The following B4GALNT4 variants were observed in gnomAD, a reference collection of about 807,000 sequenced individuals.
B4GALNT4 encodes beta-1,4-N-acetyl-galactosaminyltransferase 4.
Under a neutral mutation model 110.0 loss-of-function variants are expected in B4GALNT4, and 77 were observed. That is an observed-to-expected ratio of 0.70 (90% CI 0.58 to 0.85). The LOEUF (loss-of-function observed/expected upper bound fraction) is 0.85. Among genes scored for constraint, B4GALNT4 ranks in the 40% least tolerant of loss-of-function variants. The probability of loss-of-function intolerance (pLI) is 0.00; values close to 1 mark genes in which losing one functional copy is unlikely to be tolerated. For synonymous variants in B4GALNT4, 785 were observed against 655.5 expected (o/e 1.20, Z -3.02); for missense variants, 1,575 against 1,506.0 (o/e 1.05, Z -0.76).
chr11:375,557 G>T (rs765617034), intron 9 of B4GALNT4, 30 bp downstream of exon 9: 36 of 1,606,966 alleles, frequency 2.2e-5, no homozygotes, highest in Admixed American at 1.8e-4. Flanking sequence ...GGGATGTGGG[G>T]CTCCTCGGGA....
In B4GALNT4 at chr11:377,166, C is replaced by T. The variant is rs1284793394; in HGVS notation, c.2043C>T (p.Asp681=). Residue 681 remains aspartate (D), a synonymous_variant, in exon 14 of 20, where the codon GAC becomes GAT. Coordinates refer to ENST00000329962, the MANE Select transcript of B4GALNT4 (RefSeq NM_178537.5). ...ALGRWREDAI[D]WQRTFSVGAV... ...GACGCTGGCGTGAGGACGCCATCGA[C>T]TGGCAGCGCACGTTCAGCGTGGGCG... The T allele has an allele frequency of 6.4e-7, 1 of 1,563,374 alleles. No homozygotes were observed.
At position 375,445 on chromosome 11, in the gene B4GALNT4, C is replaced by T. The variant is rs903631255; in HGVS notation, c.784-16C>T. 4.3e-6 allele frequency: 7 copies of T among 1,611,272 alleles called. No homozygotes were observed. The highest frequency in any genetic ancestry group is 5.9e-6 in the Non-Finnish European group (7 of 1,179,734). On this transcript the variant is annotated splice_polypyrimidine_tract_variant and intron_variant, in intron 8 of 19. Transcript: ENST00000329962. ...CCACCGCCCTGTCCCTGACCCCCACCCTCTCTGCCCCGCAGTGGCGAGCTT... is the reference window on the plus strand; with the variant it reads ...CCACCGCCCTGTCCCTGACCCCCACTCTCTCTGCCCCGCAGTGGCGAGCTT...
chr11:373,446 C>G lies in B4GALNT4; in HGVS notation c.637-3C>G. 1 of 1,597,478 alleles carries G rather than the reference C, an allele frequency of 6.3e-7. No individual in the cohort carries two copies. The highest frequency in any genetic ancestry group is 8.5e-7 in the Non-Finnish European group (1 of 1,171,324). On this transcript the variant is annotated splice_region_variant and splice_polypyrimidine_tract_variant and intron_variant, in intron 6 of 19. Coordinates refer to ENST00000329962, the MANE Select transcript of B4GALNT4 (RefSeq NM_178537.5). ...CCACCACCCCTGCTCTATCACCCCC[C>G]AGACTGGCTCCGAGTGGACAGCGCC...
In B4GALNT4 at chr11:375,622, A is replaced by T. The variant is rs760617855; in HGVS notation, c.851-17A>T. ...AGGAGGGGGTCTGAGCACTCCCTGG[A>T]ACTCTTCTGCCCCCAGATGAGTCAG... is the stretch of plus-strand genomic sequence containing the variant. On this transcript the variant is annotated splice_polypyrimidine_tract_variant and intron_variant, in intron 9 of 19. Coordinates refer to ENST00000329962, the MANE Select transcript of B4GALNT4 (RefSeq NM_178537.5). 1 of 1,593,912 alleles carries T rather than the reference A, an allele frequency of 6.3e-7. No homozygotes were observed. Among genetic ancestry groups the T allele is most frequent in the Non-Finnish European group, 8.5e-7 (1 of 1,174,934 alleles).
chr11:375,739 G>T lies in B4GALNT4; in HGVS notation c.951G>T (p.Met317Ile). ...CGCAGGAGGAGACCAGCGCAGACAT[G>T]CTGCGGCCAGATCCCAGGGATACCT... ...RPPQEETSADMLRPDPRDTFF... is the reference protein window; with the variant it reads ...RPPQEETSADILRPDPRDTFF... Residue 317 changes from methionine to isoleucine, a missense_variant, in exon 10 of 20, where the codon ATG (methionine) becomes ATT (isoleucine). Transcript: ENST00000329962. 6.3e-7 allele frequency: 1 copy of T among 1,596,278 alleles called. No individual in the cohort carries two copies.
chr11:372,685 G>T lies in B4GALNT4; in HGVS notation c.279G>T (p.Met93Ile), dbSNP rs145123446. The stretch of plus-strand genomic sequence containing the variant: ...AGCCCGAAGGTCGGGACCTAGACAT[G>T]CTGTTTCCTGGGGGGGCTGGGAGGC... Reference protein sequence around the residue: ...EQAPEGRDLDMLFPGGAGRLP... With the variant: ...EQAPEGRDLDILFPGGAGRLP... Residue 93 changes from methionine to isoleucine, a missense_variant, in exon 3 of 20, where the codon ATG becomes ATT. By Grantham distance (10) the Met-to-Ile change is conservative. Transcript: ENST00000329962. The T allele has an allele frequency of 1.2e-4, 201 of 1,611,948 alleles. No homozygotes were observed. The highest frequency in any genetic ancestry group is 1.6e-4 in the Non-Finnish European group (194 of 1,179,820).
Position 380,220 on chromosome 11 carries a change from G to T in B4GALNT4, c.2715+18G>T. 1 of 1,605,352 alleles carries T rather than the reference G, an allele frequency of 6.2e-7. No homozygotes were observed. Among genetic ancestry groups the T allele is most frequent in the African/African-American group, 1.3e-5 (1 of 74,880 alleles). ...CGGTAGAGGTCCGAGGGCCCCATGG[G>T]GGTCGGGGAGCAAAACGGGGCGTGC... On this transcript the variant is annotated intron_variant, in intron 17 of 19. Transcript: ENST00000329962.
chr11:380,587 TC>T (rs1203374922), intron 18 of B4GALNT4, 142 bp downstream of exon 18: 2 of 1,324,822 alleles, frequency 1.5e-6, no homozygotes, highest in Admixed American at 2.0e-5. Flanking sequence ...AGAGCCCCAG[TC>T]CCCCCGCACC....
chr11:381,927 G>GC lies in B4GALNT4; in HGVS notation c.*138dup. The GC allele has an allele frequency of 2.7e-6, 3 of 1,115,148 alleles. No individual in the cohort carries two copies. Among genetic ancestry groups the GC allele is most frequent in the Non-Finnish European group, 3.6e-6 (3 of 843,356 alleles). 69.1% of individuals were successfully genotyped at this position (1,115,148 alleles called of 1,614,324 possible). A position where few individuals can be genotyped will look rare whatever the true frequency, so the allele number is the denominator to read the frequency against. On this transcript the variant is annotated 3_prime_UTR_variant, in exon 20 of 20. Coordinates refer to ENST00000329962, the MANE Select transcript of B4GALNT4 (RefSeq NM_178537.5). ...CACCGCCTGTGCCTGCCCCTCTCTG[G>GC]CCCACTGGGCGTCGTGCCCCTCCCC...
intron 14 of B4GALNT4, among the ~76,000 whole-genome samples, chr11:378,451 C>T (rs924543968): frequency 2.6e-5 from 4 of 152,298 alleles, no homozygotes; most frequent in African/African-American, 7.2e-5. Context: ...CCACCAATGC[C>T]CACCTGGGTA....
chr11:379,773 G>T, intron 15 of B4GALNT4, 72 bp downstream of exon 15: 1 of 1,514,454 alleles, frequency 6.6e-7, no homozygotes, highest in Non-Finnish European at 8.8e-7. Flanking sequence ...CTAGGAAAGG[G>T]TGTGGGTGTC....
rs1012145460 is a variant in B4GALNT4, at chr11:381,855, G to A, written c.*63G>A. On this transcript the variant is annotated 3_prime_UTR_variant, in exon 20 of 20. Coordinates refer to ENST00000329962, the MANE Select transcript of B4GALNT4 (RefSeq NM_178537.5). Reference sequence around the variant, plus strand: ...AGGCAGCTGCTGGGGGCTGGGCTTTGAGCTCGGTCCCGAGAGACCCGGCAG... The same window carrying A: ...AGGCAGCTGCTGGGGGCTGGGCTTTAAGCTCGGTCCCGAGAGACCCGGCAG... 39 of 1,482,256 alleles carry A rather than the reference G, an allele frequency of 2.6e-5. No individual in the cohort carries two copies. Among genetic ancestry groups the A allele is most frequent in the Admixed American group, 2.7e-5 (1 of 37,486 alleles). 91.8% of individuals were successfully genotyped at this position (1,482,256 alleles called of 1,614,324 possible).
At position 372,521 on chromosome 11, in the gene B4GALNT4, G is replaced by A. The variant is rs922329527; in HGVS notation, c.256-141G>A. On this transcript the variant is annotated intron_variant, in intron 2 of 19. Coordinates refer to ENST00000329962, the MANE Select transcript of B4GALNT4 (RefSeq NM_178537.5). The stretch of plus-strand genomic sequence containing the variant: ...GTATGTGCCAGGTGCCACAGGTCAG[G>A]GTTTGCATGGCTGGGGCTCACGGGC... 7 of 792,210 alleles carry A rather than the reference G, an allele frequency of 8.8e-6. No individual in the cohort carries two copies. The African/African-American group carries it at 1.2e-4, about 14-fold the overall frequency. 49.1% of individuals were successfully genotyped at this position (792,210 alleles called of 1,614,324 possible).
chr11:376,393 G>A lies in B4GALNT4; in HGVS notation c.1298-28G>A, dbSNP rs377474585. ...CCCCTGGCCCGCACCCACCTGCGCA[G>A]GGAGCTTCTAACCCGCGTTTCCCGC... is the stretch of plus-strand genomic sequence containing the variant. On this transcript the variant is annotated intron_variant, in intron 13 of 19. Coordinates refer to ENST00000329962, the MANE Select transcript of B4GALNT4 (RefSeq NM_178537.5). The A allele has an allele frequency of 6.0e-5, 96 of 1,603,140 alleles. No individual in the cohort carries two copies. The African/African-American group carries it at 1.1e-3, about 19-fold the overall frequency.
intron 17 of B4GALNT4, 22 bp downstream of exon 17, chr11:380,224 CG>C: frequency 6.2e-7 from 1 of 1,604,968 alleles, no homozygotes; most frequent in Non-Finnish European, 8.5e-7. Flanking sequence ...CCATGGGGGT[CG>C]GGGAGCAAAA....
Position 381,655 on chromosome 11 carries a change from GC to G in B4GALNT4, c.2997-9del. 3 of 1,576,160 alleles carry G rather than the reference GC, an allele frequency of 1.9e-6. No homozygotes were observed. The highest frequency in any genetic ancestry group is 1.9e-5 in the Admixed American group (1 of 53,750). ...ACCCCGGGGTCCTGACCACCTCTCT[GC>G]CCCCGGCCCCAGGGTCCTGCAGGCA... is the stretch of plus-strand genomic sequence containing the variant. On this transcript the variant is annotated splice_polypyrimidine_tract_variant and intron_variant, in intron 19 of 19. Transcript: ENST00000329962.
In B4GALNT4 at chr11:375,964, C is replaced by G. The variant is rs531987820; in HGVS notation, c.1095+8C>G. On this transcript the variant is annotated splice_region_variant and intron_variant, in intron 11 of 19. Transcript: ENST00000329962. ...TACCAGGGCCTGCAATTTGTGAGTG[C>G]GGCTGGAGACCCCGTCTCCCGTCCG... 3 of 1,610,088 alleles carry G rather than the reference C, an allele frequency of 1.9e-6. No homozygotes were observed. The highest frequency in any genetic ancestry group is 1.7e-5 in the Admixed American group (1 of 59,776).
chr11:379,408 A>G lies in B4GALNT4; in HGVS notation c.2205-10A>G. ...AAGCCCCAGTACCGGCTGACCGCTG[A>G]GCCTTGCAGGCGCTTCGCGCTTCTG... is the stretch of plus-strand genomic sequence containing the variant. On this transcript the variant is annotated splice_polypyrimidine_tract_variant and intron_variant, in intron 14 of 19. Transcript: ENST00000329962. 4.7e-6 allele frequency: 7 copies of G among 1,496,760 alleles called. No homozygotes were observed. In the Admixed American group the frequency reaches 6.9e-5, roughly 15 times the overall value. The allele number at this position is 1,496,760 out of a possible 1,614,324, so 92.7% of individuals were successfully genotyped here. A position where few individuals can be genotyped will look rare whatever the true frequency, so the allele number is the denominator to read the frequency against.
chr11:376,520 C>T lies in B4GALNT4; in HGVS notation c.1397C>T (p.Ala466Val). The change falls in exon 14 of 20, where the codon GCC becomes GTC. Residue 466 changes from alanine (A) to valine (V), a missense_variant. By Grantham distance (64) the Ala-to-Val change is moderately conservative (BLOSUM62 0). Transcript: ENST00000329962. ...RSGPQSPAPA[A>V]PAQPGATLAP... The stretch of plus-strand genomic sequence containing the variant: ...GGCCCCCAGTCCCCCGCCCCAGCAG[C>T]CCCCGCCCAGCCCGGAGCCACCCTC... The T allele has an allele frequency of 2.0e-6, 3 of 1,479,582 alleles. No individual in the cohort carries two copies. Among genetic ancestry groups the T allele is most frequent in the South Asian group, 2.6e-5 (2 of 76,116 alleles). The allele number at this position is 1,479,582 out of a possible 1,614,324, so 91.7% of individuals were successfully genotyped here.
Sources: gnomAD v4.1 joint callset for allele counts (sites outside exome capture counted in the v4.1 genomes callset) on GRCh38, gnomAD v4.1.1 for gene constraint, MANE v1.5 for transcripts, NCBI Gene and HGNC (gene_info 2026-07-23, HGNC 2026-07-21) for gene names.